Variants in USP35 observed in about 807,000 individuals in gnomAD.
USP35 encodes ubiquitin specific peptidase 35, also known as ubiquitin carboxyl-terminal hydrolase 35.
In USP35, 69 loss-of-function variants were observed where a neutral mutation model predicts 83.8. That is an observed-to-expected ratio of 0.82 (90% CI 0.68 to 1.01). The LOEUF is 1.01. Among genes scored for constraint, USP35 ranks in the 50% least tolerant of loss-of-function variants. USP35 has a pLI of 0.00. For missense variants in USP35, 1,503 were observed against 1,362.5 expected, an observed-to-expected ratio of 1.10 and a Z score of -1.62; for synonymous variants, 714 against 589.5, an observed-to-expected ratio of 1.21 and a Z score of -3.06.
At chr11:78,211,647 T>C (rs1863780757) in intron 10 of USP35, among the ~76,000 whole-genome samples, 1 of 152,252 alleles carries the variant, frequency 6.6e-6, no homozygotes, top group African/African-American at 2.4e-5. Context: ...ATCACCATTC[T>C]GGCTTGCGTG....
At chr11:78,190,229 G>A (rs545068630) in intron 1 of USP35, among the ~76,000 whole-genome samples, 74 of 152,132 alleles carry the variant, frequency 4.9e-4, no homozygotes, top group African/African-American at 1.7e-3. Context: ...GGCTAACCAG[G>A]AACAGATTTT....
chr11:78,231,338 T>C, the USP35 span, among the ~76,000 whole-genome samples: 93 of 130,778 alleles, frequency 7.1e-4, no homozygotes, highest in Non-Finnish European at 1.2e-3. Flanking sequence ...GCGTGTGTGG[T>C]GTGTGTGTGT....
At chr11:78,234,857 A>G in the USP35 span, among the ~76,000 whole-genome samples, 28,436 of 151,830 alleles carry the variant, frequency 0.19, 2,992 homozygotes, top group East Asian at 0.4. Flanking sequence ...TAAAAATACA[A>G]AAATTAGCCA....
rs967794133 is a variant in USP35, at chr11:78,214,339, C to G, written c.*526C>G. 8 of 136,350 alleles carry G rather than the reference C, an allele frequency of 5.9e-5. No individual in the cohort carries two copies. Among genetic ancestry groups the G allele is most frequent in the African/African-American group, 2.3e-4 (8 of 35,458 alleles). 8.4% of individuals were successfully genotyped at this position (136,350 alleles called of 1,614,324 possible). On this transcript the variant is annotated 3_prime_UTR_variant, in exon 11 of 11. Transcript: ENST00000529308. The stretch of plus-strand genomic sequence containing the variant: ...TGTACCTTTCTGAGAAGAACAGAGA[C>G]CGAGACCTGCCCCCTTACCAAGCGC...
the USP35 span, among the ~76,000 whole-genome samples, chr11:78,233,040 G>GTTTTTTTTTTTTTTTTTTT: frequency 2.3e-5 from 3 of 131,986 alleles, 1 homozygote; most frequent in African/African-American, 9.0e-5. Flanking sequence ...GCACTGTTAA[G>GTTTTTTTTTTTTTTTTTTT]TTTTTTTTTT....
the USP35 span, chr11:78,223,683 AGAG>A: frequency 6.3e-6 from 10 of 1,581,926 alleles, no homozygotes; most frequent in Non-Finnish European, 6.9e-6. Context: ...CTGGCTAGGG[AGAG>A]GAACAGTGAA....
At position 78,210,355 on chromosome 11, in the gene USP35, C is replaced by G; in HGVS notation, c.2500C>G (p.Arg834Gly). 1 of 1,613,022 alleles carries G rather than the reference C, an allele frequency of 6.2e-7. No individual in the cohort carries two copies. The highest frequency in any genetic ancestry group is 8.5e-7 in the Non-Finnish European group (1 of 1,179,892). Residue 834 changes from arginine (R) to glycine (G), a missense_variant, in exon 10 of 11, where the codon CGC becomes GGC. Physicochemically the swap from Arg to Gly is moderately radical, Grantham distance 125 (BLOSUM62 -2). Transcript: ENST00000529308. ...TGACGTCTCCATCCCCCTGCTGCTC[C>G]GCCTGCCACTGGCTGGTGGCCGTGG... is the stretch of plus-strand genomic sequence containing the variant. ...LDDVSIPLLL[R>G]LPLAGGRGQA...
At position 78,199,113 on chromosome 11, in the gene USP35, G is replaced by A. The variant is rs554489579; in HGVS notation, c.807-482G>A. 11 of 171,182 alleles carry A rather than the reference G, an allele frequency of 6.4e-5. No homozygotes were observed. In the East Asian group the frequency reaches 1.5e-3, roughly 24 times the overall value. The allele number at this position is 171,182 out of a possible 1,614,324, so 10.6% of individuals were successfully genotyped here. ...GAATATCCTGCTCAATGGTGAATAC[G>A]ACCTAAGTGTTAGCTGCTGTTATCT... On this transcript the variant is annotated intron_variant, in intron 3 of 10. Transcript: ENST00000529308.
Position 78,196,183 on chromosome 11 carries a change from A to G in USP35, c.-10-53A>G, listed in dbSNP as rs571834428. ...TCAGCACTCGGGGACTGCACCGGGAACTCTTGAGCCCCGCGGTTGTCGGGC... is the reference window on the plus strand; with the variant it reads ...TCAGCACTCGGGGACTGCACCGGGAGCTCTTGAGCCCCGCGGTTGTCGGGC... On this transcript the variant is annotated intron_variant, in intron 1 of 10. Coordinates refer to ENST00000529308, the MANE Select transcript of USP35 (RefSeq NM_020798.4). The surrounding 1 kb of genome is among the most constrained non-coding windows in gnomAD (Gnocchi z 4.8). 1 of 1,516,516 alleles carries G rather than the reference A, an allele frequency of 6.6e-7. No homozygotes were observed. Among genetic ancestry groups the G allele is most frequent in the Non-Finnish European group, 8.7e-7 (1 of 1,142,918 alleles). 93.9% of individuals were successfully genotyped at this position (1,516,516 alleles called of 1,614,324 possible). A position where few individuals can be genotyped will look rare whatever the true frequency, so the allele number is the denominator to read the frequency against.
intron 3 of USP35, chr11:78,199,335 T>G: frequency 2.2e-6 from 1 of 452,476 alleles, no homozygotes. Flanking sequence ...TGCAGCCCAG[T>G]GTGGAGGGGC....
At position 78,210,316 on chromosome 11, in the gene USP35, C is replaced by T. The variant is rs200711702; in HGVS notation, c.2461C>T (p.Arg821Cys). 5.7e-5 allele frequency: 92 copies of T among 1,613,406 alleles called. No individual in the cohort carries two copies. The highest frequency in any genetic ancestry group is 1.6e-4 in the Middle Eastern group (1 of 6,084). ...TTTCGACCTGCGCACCATGCGGCGC[C>T]GCAAGATCCTGGATGACGTCTCCAT... ...FSFDLRTMRR[R>C]KILDDVSIPL... is the part of the protein sequence containing the mutation. The change falls in exon 10 of 11, where the codon CGC becomes TGC. Residue 821 changes from arginine (R) to cysteine (C), a missense_variant. Physicochemically the swap from Arg to Cys is radical, Grantham distance 180 (BLOSUM62 -3). Coordinates refer to ENST00000529308, the MANE Select transcript of USP35 (RefSeq NM_020798.4).
At position 78,209,582 on chromosome 11, in the gene USP35, C is replaced by G. The variant is rs773984257; in HGVS notation, c.1727C>G (p.Thr576Ser). Reference sequence around the variant, plus strand: ...AAAATGTTTGGAGGCAAGATAGTGACTCGGATCTGCTGTCTCTGCTGCCTC... The same window carrying G: ...AAAATGTTTGGAGGCAAGATAGTGAGTCGGATCTGCTGTCTCTGCTGCCTC... The part of the protein sequence containing the change: ...VEKMFGGKIV[T>S]RICCLCCLNV... The change falls in exon 10 of 11, where the codon ACT becomes AGT. Residue 576 changes from threonine (T) to serine (S), a missense_variant. Physicochemically the swap from Thr to Ser is moderately conservative, Grantham distance 58 (BLOSUM62 1). Coordinates refer to ENST00000529308, the MANE Select transcript of USP35 (RefSeq NM_020798.4). The G allele has an allele frequency of 1.9e-6, 3 of 1,614,180 alleles. No homozygotes were observed. The highest frequency in any genetic ancestry group is 2.5e-6 in the Non-Finnish European group (3 of 1,180,016).
At chr11:78,227,631 C>A in the USP35 span, among the ~76,000 whole-genome samples, 632 of 106,020 alleles carry the variant, frequency 6.0e-3, 5 homozygotes, top group African/African-American at 0.02. Context: ...CCATTGCCAC[C>A]AAAAAAAAAA....
rs1863732738 is a variant in USP35 at position 78,210,657 on chromosome 11, G to T, written c.2802G>T (p.Glu934Asp). The change falls in exon 10 of 11, where the codon GAG becomes GAT. Residue 934 changes from glutamate (E) to aspartate (D), a missense_variant. Transcript: ENST00000529308. ...RQRPREGPEA[E>D]LGSSRVRTEP... ...GGCCCAGGGAGGGGCCCGAGGCTGA[G>T]TTGGGCTCTTCTAGAGTCCGGACAG... 1 of 1,613,846 alleles carries T rather than the reference G, an allele frequency of 6.2e-7. No individual in the cohort carries two copies. Among genetic ancestry groups the T allele is most frequent in the South Asian group, 1.1e-5 (1 of 91,030 alleles).
At chr11:78,193,673 A>G (rs941275189) in intron 1 of USP35, among the ~76,000 whole-genome samples, 4 of 152,212 alleles carry the variant, frequency 2.6e-5, no homozygotes, top group African/African-American at 9.6e-5. Flanking sequence ...CCTTGTGCCC[A>G]GCTCAGAGAG....
At chr11:78,225,182 C>T in the USP35 span, 467 of 1,611,188 alleles carry the variant, frequency 2.9e-4, 7 homozygotes, top group South Asian at 4.6e-3. Context: ...TGTGGGTACT[C>T]GTAGGTCTCA....
the USP35 span, among the ~76,000 whole-genome samples, chr11:78,222,377 T>C: frequency 1.3e-5 from 2 of 152,148 alleles, no homozygotes; most frequent in Admixed American, 1.3e-4. Flanking sequence ...CTTGAAGTCA[T>C]GTCTTCAGAT....
Position 78,188,929 on chromosome 11 carries a change from C to T in USP35, c.-239C>T. Reference sequence around the variant, plus strand: ...CATGCTTCATCCCGCAGCCCCGGGGCCGCGCCGCAGAGTCGGGCTTCCTGG... The same window carrying T: ...CATGCTTCATCCCGCAGCCCCGGGGTCGCGCCGCAGAGTCGGGCTTCCTGG... On this transcript the variant is annotated 5_prime_UTR_variant, in exon 1 of 11. Coordinates refer to ENST00000529308, the MANE Select transcript of USP35 (RefSeq NM_020798.4). 6.1e-6 allele frequency: 6 copies of T among 985,702 alleles called. No individual in the cohort carries two copies. Among genetic ancestry groups the T allele is most frequent in the Non-Finnish European group, 7.2e-6 (6 of 830,134 alleles). 61.1% of individuals were successfully genotyped at this position (985,702 alleles called of 1,614,324 possible).
chr11:78,193,137 G>T (rs2137022741), intron 1 of USP35, among the ~76,000 whole-genome samples: 1 of 152,278 alleles, frequency 6.6e-6, no homozygotes, highest in African/African-American at 2.4e-5. Context: ...CAACTGCCTT[G>T]TCACGGGCAC....
Sources: allele counts gnomAD v4.1 joint callset (sites outside exome capture counted in the v4.1 genomes callset), GRCh38; gene constraint gnomAD v4.1.1; non-coding constraint Gnocchi (gnomAD v3.1); transcripts MANE v1.5; gene names NCBI Gene and HGNC (gene_info 2026-07-23, HGNC 2026-07-21).